The following IL1RAPL1 variants were observed in gnomAD, a reference collection of about 807,000 sequenced individuals.
IL1RAPL1 encodes interleukin 1 receptor accessory protein like 1, also known as interleukin-1 receptor accessory protein-like 1.
In IL1RAPL1, 3 loss-of-function variants were observed where a neutral mutation model predicts 48.4. The ratio of observed to expected loss-of-function variants is 0.06; its 90% CI spans 0.03 to 0.16. The LOEUF is 0.16. IL1RAPL1 is among the 10% of genes least tolerant of loss of function. The pLI, the probability that IL1RAPL1 is intolerant of heterozygous loss-of-function variation, is 1.00. For synonymous variants in IL1RAPL1, 185 were observed against 187.7 expected (o/e 0.99, Z 0.12); for missense variants, 349 against 530.6 (o/e 0.66, Z 3.36).
intron 6 of IL1RAPL1, among the ~76,000 whole-genome samples, chrX:29,894,943 C>T (rs1330917929): frequency 1.8e-5 from 2 of 109,824 alleles, no homozygotes; most frequent in African/African-American, 6.6e-5. Context: ...ATTCTCCTGT[C>T]AGCCTCCTGA....
At chrX:28,943,439 C>A (rs1165666591) in intron 2 of IL1RAPL1, among the ~76,000 whole-genome samples, 6 of 109,468 alleles carry the variant, frequency 5.5e-5, no homozygotes, top group Non-Finnish European at 1.2e-4. Context: ...GTATATGAAC[C>A]CTTAAAATGA....
intron 6 of IL1RAPL1, among the ~76,000 whole-genome samples, chrX:29,862,838 C>T (rs1255603850): frequency 9.2e-6 from 1 of 108,889 alleles, no homozygotes; most frequent in African/African-American, 3.4e-5. Context: ...CTGTGACAGA[C>T]TCATTGTGTT....
chrX:28,904,350 G>A (rs1011351762), intron 2 of IL1RAPL1, among the ~76,000 whole-genome samples: 8 of 111,475 alleles, frequency 7.2e-5, no homozygotes, highest in African/African-American at 1.6e-4. Context: ...TATATATAAC[G>A]AAATACTGTG....
At chrX:28,910,746 T>C (rs1270441166) in intron 2 of IL1RAPL1, among the ~76,000 whole-genome samples, 5 of 108,842 alleles carry the variant, frequency 4.6e-5, no homozygotes, top group Non-Finnish European at 9.6e-5. Flanking sequence ...CACTGTCCAA[T>C]GGTTAATAGA....
chrX:28,802,996 A>G (rs1298974272), intron 2 of IL1RAPL1, among the ~76,000 whole-genome samples: 2 of 111,366 alleles, frequency 1.8e-5, no homozygotes, highest in Non-Finnish European at 3.8e-5. Flanking sequence ...AAGAGTATAT[A>G]TATATTTCTC....
chrX:28,834,120 A>G (rs1011274852), intron 2 of IL1RAPL1, among the ~76,000 whole-genome samples: 6 of 111,417 alleles, frequency 5.4e-5, no homozygotes, highest in Admixed American at 9.6e-5. Context: ...TTACATTTCT[A>G]TCACTCCACA....
intron 2 of IL1RAPL1, among the ~76,000 whole-genome samples, chrX:29,080,199 C>T (rs896653964): frequency 3.7e-5 from 4 of 109,552 alleles, no homozygotes; most frequent in African/African-American, 6.6e-5. Context: ...CAAGCCTGGG[C>T]GACAAAGTGA....
chrX:29,040,012 A>G (rs912414874), intron 2 of IL1RAPL1, among the ~76,000 whole-genome samples: 8 of 111,663 alleles, frequency 7.2e-5, no homozygotes, highest in African/African-American at 2.3e-4. Flanking sequence ...GTCCTCTCTA[A>G]CAATTATCAA....
intron 2 of IL1RAPL1, among the ~76,000 whole-genome samples, chrX:28,892,864 GAGA>G (rs1306699894): frequency 9.0e-6 from 1 of 111,529 alleles, no homozygotes; most frequent in Non-Finnish European, 1.9e-5. Flanking sequence ...AATGGAATAA[GAGA>G]AGGAGAAAAA....
chrX:29,908,365 C>T (rs1601877636), intron 6 of IL1RAPL1, among the ~76,000 whole-genome samples: 1 of 88,829 alleles, frequency 1.1e-5, no homozygotes, highest in East Asian at 3.0e-4. Flanking sequence ...TAGCAAGACC[C>T]CATTTCAAAA....
chrX:29,403,714 A>G (rs976464388), intron 5 of IL1RAPL1, among the ~76,000 whole-genome samples: 10 of 111,659 alleles, frequency 9.0e-5, no homozygotes, highest in Non-Finnish European at 1.7e-4. Flanking sequence ...TACCATATGG[A>G]TCATTTTAGC....
intron 5 of IL1RAPL1, among the ~76,000 whole-genome samples, chrX:29,440,640 A>G (rs1227065976): frequency 3.6e-5 from 4 of 112,396 alleles, no homozygotes; most frequent in Non-Finnish European, 7.5e-5. Context: ...GGAGAATGAC[A>G]TTTGAAACAC....
intron 2 of IL1RAPL1, among the ~76,000 whole-genome samples, chrX:29,024,764 A>C (rs1306916278): frequency 1.8e-5 from 2 of 111,424 alleles, no homozygotes; most frequent in African/African-American, 6.5e-5. Context: ...TTTCTGGCTC[A>C]CTCTTGCTCA....
intron 5 of IL1RAPL1, among the ~76,000 whole-genome samples, chrX:29,524,495 CT>C (rs1300190796): frequency 2.7e-5 from 3 of 110,659 alleles, no homozygotes; most frequent in South Asian, 3.7e-4. Context: ...GCAAAGTACT[CT>C]TTTTTTTCTG....
chrX:28,645,548 G>A (rs2146901009), intron 1 of IL1RAPL1, among the ~76,000 whole-genome samples: 1 of 109,693 alleles, frequency 9.1e-6, no homozygotes, highest in Non-Finnish European at 1.9e-5. Context: ...TATGCTATTG[G>A]CGATGAGCAG....
chrX:28,605,354 C>T (rs1342729758), intron 1 of IL1RAPL1, among the ~76,000 whole-genome samples: 2 of 112,139 alleles, frequency 1.8e-5, no homozygotes, highest in Non-Finnish European at 3.8e-5. Flanking sequence ...TTTCCCATCT[C>T]GATTGATGTC....
intron 6 of IL1RAPL1, among the ~76,000 whole-genome samples, chrX:29,863,126 C>T (rs1931625779): frequency 9.0e-6 from 1 of 111,149 alleles, no homozygotes; most frequent in Admixed American, 9.6e-5. Flanking sequence ...TTCTGTATCT[C>T]ATTATATCAT....
chrX:28,606,365 C>G (rs1367095460), intron 1 of IL1RAPL1, among the ~76,000 whole-genome samples: 2 of 112,061 alleles, frequency 1.8e-5, no homozygotes, highest in African/African-American at 6.5e-5. Context: ...ATGGCGTAAA[C>G]ACACATGGTA....
intron 2 of IL1RAPL1, among the ~76,000 whole-genome samples, chrX:28,956,061 C>G (rs1924600502): frequency 9.4e-6 from 1 of 106,294 alleles, no homozygotes; most frequent in Admixed American, 1.0e-4. Context: ...CATGATTTGG[C>G]TGTTTGTGGT....
Sources: gnomAD v4.1 joint callset for allele counts (sites outside exome capture counted in the v4.1 genomes callset) on GRCh38, gnomAD v4.1.1 for gene constraint, MANE v1.5 for transcripts, NCBI Gene and HGNC (gene_info 2026-07-23, HGNC 2026-07-21) for gene names.